Variants in THSD7A observed in about 807,000 individuals in gnomAD.
THSD7A encodes the protein thrombospondin type 1 domain containing 7A, also known as thrombospondin type-1 domain-containing protein 7A.
THSD7A carries 96 observed loss-of-function variants against 231.3 expected under a neutral mutation model. The ratio of observed to expected loss-of-function variants is 0.41; its 90% CI spans 0.35 to 0.49. THSD7A has a LOEUF of 0.49. Ranked by LOEUF, THSD7A falls within the 20% of genes least tolerant of loss-of-function variation. The pLI, the probability that THSD7A is intolerant of heterozygous loss-of-function variation, is 0.05. For missense variants in THSD7A, 2,290 were observed against 2,070.2 expected (o/e 1.11, Z -2.06); for synonymous variants, 940 against 743.3 (o/e 1.26, Z -4.30).
chr7:11,720,388 T>C (rs1308408837), intron 1 of THSD7A, among the ~76,000 whole-genome samples: 1 of 151,790 alleles, frequency 6.6e-6, no homozygotes, highest in East Asian at 2.0e-4. Context: ...GCCCCCAGTA[T>C]GCTGGATTCC....
Position 11,636,819 on chromosome 7 carries a change from A to G in THSD7A, c.333T>C (p.Cys111=), listed in dbSNP as rs1781880540. 4 of 1,613,752 alleles carry G rather than the reference A, an allele frequency of 2.5e-6. No individual in the cohort carries two copies. Among genetic ancestry groups the G allele is most frequent in the Admixed American group, 3.3e-5 (2 of 59,980 alleles). The stretch of plus-strand genomic sequence containing the variant: ...CTTTGTGCCAATCGCAAACTTTGAA[A>G]CAATTCTGCTGGTTATTGGGTCTCT... The part of the protein sequence containing the change: ...QAERPNNQQN[C]FKVCDWHKEL... The change falls in exon 2 of 28, where the codon TGT becomes TGC. Residue 111 remains cysteine, a synonymous_variant. Transcript: ENST00000423059. This position sits in a 1 kb window ranked among gnomAD's most constrained non-coding sequence, Gnocchi z 10.0.
intron 1 of THSD7A, among the ~76,000 whole-genome samples, chr7:11,755,401 C>G (rs1782636784): frequency 6.6e-6 from 1 of 151,982 alleles, no homozygotes; most frequent in Admixed American, 6.6e-5. Context: ...TCCAAGAACC[C>G]CATTCTGAAG....
chr7:11,492,069 C>A (rs1238997088), intron 6 of THSD7A, among the ~76,000 whole-genome samples: 1 of 152,036 alleles, frequency 6.6e-6, no homozygotes, highest in South Asian at 2.1e-4. Flanking sequence ...TTCTCCTGAT[C>A]AAGCATGCAT....
At chr7:11,420,652 G>A (rs1784113350) in intron 16 of THSD7A, among the ~76,000 whole-genome samples, 1 of 152,224 alleles carries the variant, frequency 6.6e-6, no homozygotes, top group Non-Finnish European at 1.5e-5. Flanking sequence ...GTCTAGTGGA[G>A]CTGTGGAAGT....
At chr7:11,454,808 TC>T (rs1472107766) in intron 11 of THSD7A, among the ~76,000 whole-genome samples, 4 of 152,046 alleles carry the variant, frequency 2.6e-5, no homozygotes, top group African/African-American at 9.7e-5. Context: ...TGAATTATAT[TC>T]AGAAAGTTTG....
intron 1 of THSD7A, among the ~76,000 whole-genome samples, chr7:11,750,441 A>G (rs10258598): frequency 0.027 from 4,043 of 152,040 alleles, 194 homozygotes; most frequent in African/African-American, 0.093. Flanking sequence ...CTCCAAATTC[A>G]GGTATGAGCA....
At chr7:11,717,952 T>C (rs1035240507) in intron 1 of THSD7A, among the ~76,000 whole-genome samples, 6 of 151,638 alleles carry the variant, frequency 4.0e-5, no homozygotes, top group African/African-American at 1.4e-4. Flanking sequence ...AGTCTACGAT[T>C]TCCAAAATTC....
At chr7:11,531,870 T>G (rs1429691452) in intron 6 of THSD7A, among the ~76,000 whole-genome samples, 3 of 152,104 alleles carry the variant, frequency 2.0e-5, no homozygotes, top group Non-Finnish European at 4.4e-5. Flanking sequence ...ATATAGCATA[T>G]AGGAAACAGA....
intron 1 of THSD7A, among the ~76,000 whole-genome samples, chr7:11,698,745 G>C (rs1167543994): frequency 6.6e-6 from 1 of 151,342 alleles, no homozygotes; most frequent in African/African-American, 2.4e-5. Context: ...ACATTGAAAG[G>C]AAGTACAGAG....
chr7:11,384,152 AATATT>A lies in THSD7A; in HGVS notation c.4412-1541_4412-1537del, dbSNP rs930795370. Reference sequence around the variant, plus strand: ...TTTGATCATTTTAAATAAATTAATAAATATTATAAGTTTTCTATTTTTAAAATTAT... The same window carrying A: ...TTTGATCATTTTAAATAAATTAATAAATAAGTTTTCTATTTTTAAAATTAT... On this transcript the variant is annotated intron_variant, in intron 23 of 27. Transcript: ENST00000423059. 98 of 151,868 alleles carry A rather than the reference AATATT, an allele frequency of 6.5e-4. 2 individuals carry two copies. The highest frequency in any genetic ancestry group is 2.3e-3 in the African/African-American group (96 of 41,548). 9.4% of individuals were successfully genotyped at this position (151,868 alleles called of 1,614,324 possible).
intron 1 of THSD7A, among the ~76,000 whole-genome samples, chr7:11,736,759 A>C (rs1781929512): frequency 6.6e-6 from 1 of 151,970 alleles, no homozygotes; most frequent in Non-Finnish European, 1.5e-5. Flanking sequence ...TTTCAAAGAA[A>C]GTGAAAAACT....
chr7:11,562,054 A>G (rs911224217), intron 4 of THSD7A, among the ~76,000 whole-genome samples: 6 of 152,170 alleles, frequency 3.9e-5, no homozygotes, highest in Non-Finnish European at 8.8e-5. Context: ...GACTAGAATG[A>G]TATAAGTTTT....
chr7:11,401,780 A>G lies in THSD7A; in HGVS notation c.4411+15T>C, dbSNP rs753864348. ...GCTTTTGCTTAAGATAGAGTATATG[A>G]ACGGTAGCACTCACCATAACATGAT... On this transcript the variant is annotated intron_variant, in intron 23 of 27. Transcript: ENST00000423059. The G allele has an allele frequency of 2.2e-5, 36 of 1,604,928 alleles. No individual in the cohort carries two copies. Among genetic ancestry groups the G allele is most frequent in the Admixed American group, 3.4e-5 (2 of 58,462 alleles).
intron 1 of THSD7A, among the ~76,000 whole-genome samples, chr7:11,648,592 C>CA (rs1285445213): frequency 1.3e-5 from 2 of 150,908 alleles, no homozygotes; most frequent in African/African-American, 4.9e-5. Context: ...GTCCAACATG[C>CA]AATATCTACT....
chr7:11,641,564 T>C (rs1217126151), intron 1 of THSD7A, among the ~76,000 whole-genome samples: 1 of 152,066 alleles, frequency 6.6e-6, no homozygotes, highest in Non-Finnish European at 1.5e-5. Flanking sequence ...AACCAGCTAC[T>C]CACAGATAAC....
At chr7:11,382,740 A>G (rs535049137) in intron 23 of THSD7A, 124 bp from the exon 24 acceptor site, 1 of 799,514 alleles carries the variant, frequency 1.3e-6, no homozygotes, top group Non-Finnish European at 2.0e-6. Context: ...TCAAATGTCA[A>G]TTTATTGTCC....
At chr7:11,611,844 A>G (rs760013669) in intron 2 of THSD7A, among the ~76,000 whole-genome samples, 12 of 97,526 alleles carry the variant, frequency 1.2e-4, no homozygotes, top group African/African-American at 3.4e-4. Context: ...TCATCTGTCT[A>G]TCTATCTATC....
At chr7:11,682,295 A>C (rs192639021) in intron 1 of THSD7A, among the ~76,000 whole-genome samples, 1 of 152,252 alleles carries the variant, frequency 6.6e-6, no homozygotes, top group Admixed American at 6.5e-5. Context: ...TGCTCTACTT[A>C]GAAGACGTAG....
intron 1 of THSD7A, among the ~76,000 whole-genome samples, chr7:11,702,230 C>G (rs1238153795): frequency 6.6e-6 from 1 of 151,230 alleles, no homozygotes; most frequent in Non-Finnish European, 1.5e-5. Context: ...TGGCTGGGTT[C>G]TCTCTGCTCA....
Sources: allele counts gnomAD v4.1 joint callset (sites outside exome capture counted in the v4.1 genomes callset), GRCh38; gene constraint gnomAD v4.1.1; non-coding constraint Gnocchi (gnomAD v3.1); transcripts MANE v1.5; gene names NCBI Gene and HGNC (gene_info 2026-07-23, HGNC 2026-07-21).